The following TACR3 variants were observed in gnomAD, a reference collection of about 807,000 sequenced individuals.
TACR3 encodes the protein tachykinin receptor 3.
TACR3 carries 34 observed loss-of-function variants against 35.0 expected under a neutral mutation model. That is an observed-to-expected ratio of 0.97 (90% CI 0.74 to 1.30). The LOEUF (loss-of-function observed/expected upper bound fraction) is 1.30, where lower values mean the gene tolerates loss of function less well. Ranked by LOEUF, TACR3 falls within the 50% of genes most tolerant of loss-of-function variation. The pLI is 0.00. For synonymous variants in TACR3, 233 were observed against 221.1 expected, an observed-to-expected ratio of 1.05 and a Z score of -0.48; for missense variants, 558 against 591.7, an observed-to-expected ratio of 0.94 and a Z score of 0.59.
At chr4:103,691,014 C>G (rs1482472469) in intron 1 of TACR3, among the ~76,000 whole-genome samples, 1 of 152,166 alleles carries the variant, frequency 6.6e-6, no homozygotes. Context: ...ACAAGCGCAA[C>G]TCTCACACAT....
intron 3 of TACR3, among the ~76,000 whole-genome samples, chr4:103,602,726 T>C (rs1490075077): frequency 1.3e-5 from 2 of 152,204 alleles, no homozygotes; most frequent in African/African-American, 4.8e-5. Flanking sequence ...CCGCAGATGC[T>C]GCTGTCTGAT....
intron 3 of TACR3, among the ~76,000 whole-genome samples, chr4:103,631,325 A>AT (rs1409120644): frequency 1.3e-5 from 2 of 152,142 alleles, no homozygotes; most frequent in African/African-American, 4.8e-5. Context: ...TTAAAGTATA[A>AT]TAAAAAAATG....
At chr4:103,715,360 C>G (rs1378530058) in intron 1 of TACR3, among the ~76,000 whole-genome samples, 2 of 152,202 alleles carry the variant, frequency 1.3e-5, no homozygotes, top group East Asian at 1.9e-4. Flanking sequence ...AGCACATTCC[C>G]TCTCTCACTC....
chr4:103,701,855 A>G (rs1722658640), intron 1 of TACR3, among the ~76,000 whole-genome samples: 1 of 152,226 alleles, frequency 6.6e-6, no homozygotes, highest in African/African-American at 2.4e-5. Flanking sequence ...ATATGTAGAA[A>G]GCTGAAACTG....
chr4:103,596,489 G>C (rs921307411), intron 3 of TACR3, among the ~76,000 whole-genome samples: 9 of 152,000 alleles, frequency 5.9e-5, no homozygotes, highest in African/African-American at 1.7e-4. Context: ...GTTTGCATTT[G>C]TCTGTTGGTA....
chr4:103,658,544 T>C, intron 1 of TACR3, 141 bp from the exon 2 acceptor site: 1 of 733,876 alleles, frequency 1.4e-6, no homozygotes, highest in Non-Finnish European at 2.3e-6. Context: ...ACTGCTTGAG[T>C]AGAGGCAGCG....
intron 3 of TACR3, among the ~76,000 whole-genome samples, chr4:103,600,326 T>C (rs1226709409): frequency 1.3e-5 from 2 of 152,138 alleles, no homozygotes; most frequent in African/African-American, 4.8e-5. Context: ...TTTTATTGGG[T>C]CTATTTGATT....
rs184630038 is a variant in TACR3, at chr4:103,696,674, C to G, written c.548+22454G>C. On this transcript the variant is annotated intron_variant, in intron 1 of 4. Coordinates refer to ENST00000304883, the MANE Select transcript of TACR3 (RefSeq NM_001059.3). ...ATGCCACTTTCCTCTATGATGGCTT[C>G]ACCCTTTTGTCACTACCACTTTCTT... 1.3e-3 allele frequency among the ~76,000 whole-genome samples: 199 copies of G among 152,186 alleles called. 1 individual carries two copies. Among genetic ancestry groups the G allele is most frequent in the Middle Eastern group, 0.01 (3 of 294 alleles).
intron 1 of TACR3, among the ~76,000 whole-genome samples, chr4:103,698,668 A>G (rs1722580283): frequency 6.6e-6 from 1 of 152,098 alleles, no homozygotes; most frequent in Admixed American, 6.6e-5. Context: ...CATAAGTGAG[A>G]ACTAAAAATT....
intron 3 of TACR3, among the ~76,000 whole-genome samples, chr4:103,640,020 G>A (rs1404109956): frequency 6.6e-6 from 1 of 151,894 alleles, no homozygotes; most frequent in African/African-American, 2.4e-5. Context: ...AGTGAAGATT[G>A]GATTTGCATA....
intron 3 of TACR3, among the ~76,000 whole-genome samples, chr4:103,617,432 TATCTCAA>T (rs1724684573): frequency 6.6e-6 from 1 of 152,222 alleles, no homozygotes. Context: ...ATTTTGTTAC[TATCTCAA>T]ATCTTTTTCC....
intron 1 of TACR3, among the ~76,000 whole-genome samples, chr4:103,697,785 G>T (rs1036498108): frequency 1.3e-5 from 2 of 152,120 alleles, no homozygotes; most frequent in African/African-American, 4.8e-5. Context: ...AGAAGTACAT[G>T]TTTAGACTTG....
Position 103,719,961 on chromosome 4 carries a change from GC to G in TACR3, c.-287del. 1 of 539,630 alleles carries G rather than the reference GC, an allele frequency of 1.9e-6. No individual in the cohort carries two copies. The allele number at this position is 539,630 out of a possible 1,614,324, so 33.4% of individuals were successfully genotyped here. ...CACATCACACGTAGGGAGGGTGCCA[GC>G]TGCCCGGCACAGGCTGGAGAACTGA... On this transcript the variant is annotated 5_prime_UTR_variant, in exon 1 of 5. Coordinates refer to ENST00000304883, the MANE Select transcript of TACR3 (RefSeq NM_001059.3).
intron 1 of TACR3, among the ~76,000 whole-genome samples, chr4:103,708,791 CA>C (rs1722862193): frequency 6.6e-6 from 1 of 152,138 alleles, no homozygotes; most frequent in Non-Finnish European, 1.5e-5. Context: ...CTAGAATAAC[CA>C]GTGTAGAGAA....
chr4:103,714,685 G>A (rs1439018209), intron 1 of TACR3, among the ~76,000 whole-genome samples: 1 of 152,092 alleles, frequency 6.6e-6, no homozygotes, highest in Non-Finnish European at 1.5e-5. Context: ...CATGGAAAGT[G>A]ACTTTTCCTA....
intron 1 of TACR3, among the ~76,000 whole-genome samples, chr4:103,708,701 C>T (rs1289490745): frequency 3.3e-5 from 5 of 152,150 alleles, no homozygotes; most frequent in Admixed American, 3.3e-4. Flanking sequence ...GATGATCAAA[C>T]TTCTCTGAGC....
intron 3 of TACR3, among the ~76,000 whole-genome samples, chr4:103,630,441 T>TAACA (rs1259357659): frequency 6.6e-6 from 1 of 152,182 alleles, no homozygotes; most frequent in Non-Finnish European, 1.5e-5. Flanking sequence ...TCTACCTATC[T>TAACA]AACAAACGGC....
intron 3 of TACR3, among the ~76,000 whole-genome samples, chr4:103,635,755 T>TA (rs1725173488): frequency 1.3e-5 from 2 of 148,888 alleles, no homozygotes; most frequent in African/African-American, 5.1e-5. Context: ...TTGATGTCTA[T>TA]AATTGGAAGA....
intron 1 of TACR3, among the ~76,000 whole-genome samples, chr4:103,681,339 T>C (rs1330593065): frequency 2.0e-5 from 3 of 152,068 alleles, no homozygotes; most frequent in Non-Finnish European, 4.4e-5. Flanking sequence ...AAATATAACA[T>C]CAGAAATTTA....
Sources: gnomAD v4.1 joint callset for allele counts (sites outside exome capture counted in the v4.1 genomes callset) on GRCh38, gnomAD v4.1.1 for gene constraint, MANE v1.5 for transcripts, NCBI Gene and HGNC (gene_info 2026-07-23, HGNC 2026-07-21) for gene names.